Variants in MRGPRF observed in about 807,000 individuals in gnomAD.
MRGPRF encodes mas-related G protein-coupled receptor member F.
In MRGPRF, 2 loss-of-function variants were observed where a neutral mutation model predicts 3.3. That is an observed-to-expected ratio of 0.61 (90% CI 0.25 to 1.92). MRGPRF has a LOEUF of 1.92. MRGPRF is among the 40% of genes most tolerant of loss of function. The pLI is 0.16. For synonymous variants in MRGPRF, 242 were observed against 222.7 expected, an observed-to-expected ratio of 1.09 and a Z score of -0.77; for missense variants, 500 against 476.0, an observed-to-expected ratio of 1.05 and a Z score of -0.47.
intron 1 of MRGPRF, 52 bp downstream of exon 1, chr11:69,013,031 C>G (rs1481714443): frequency 1.3e-5 from 2 of 153,644 alleles, no homozygotes; most frequent in Non-Finnish European, 2.9e-5. Flanking sequence ...CCTCACCCTG[C>G]AGCCCCGGTT....
intron 1 of MRGPRF, among the ~76,000 whole-genome samples, chr11:69,011,292 A>G (rs1860592107): frequency 1.3e-5 from 2 of 152,124 alleles, no homozygotes; most frequent in Admixed American, 1.3e-4. Context: ...GTGTGGCCCC[A>G]GGGGCCGCTC....
rs1860441655 is a variant in MRGPRF, at chr11:69,005,106, C to T, written c.*172G>A. On this transcript the variant is annotated 3_prime_UTR_variant, in exon 3 of 3. Transcript: ENST00000309099. The stretch of plus-strand genomic sequence containing the variant: ...CACAGGGTCTGTTTGCTGGTGGCTG[C>T]CCAGTCTCCCAGCCACCCCTGGAGT... 3 of 796,192 alleles carry T rather than the reference C, an allele frequency of 3.8e-6. No homozygotes were observed. Among genetic ancestry groups the T allele is most frequent in the Non-Finnish European group, 5.6e-6 (3 of 531,332 alleles). 49.3% of individuals were successfully genotyped at this position (796,192 alleles called of 1,614,324 possible).
rs768542465 is a variant in MRGPRF, at chr11:69,006,218, C to T, written c.92G>A (p.Gly31Asp). ...LSEAPELYSR[G>D]FLTIEQIAML... ...CGCGATCTGCTCGATGGTCAGGAAG[C>T]CCCGGCTGTAGAGTTCCGGGGCCTC... Residue 31 changes from glycine (G) to aspartate (D), a missense_variant, in exon 3 of 3, where the codon GGC becomes GAC. By Grantham distance (94) the Gly-to-Asp change is moderately conservative. Coordinates refer to ENST00000309099, the MANE Select transcript of MRGPRF (RefSeq NM_145015.5). The T allele has an allele frequency of 6.2e-7, 1 of 1,613,300 alleles. No homozygotes were observed. The highest frequency in any genetic ancestry group is 1.1e-5 in the South Asian group (1 of 91,076).
rs760855839 is a variant in MRGPRF, at chr11:69,005,454, C to A, written c.856G>T (p.Ala286Ser). ...TDLCICINSS[A>S]KPIVYFLAGR... ...GCCAGGAAGTAGACGATGGGCTTGG[C>A]GCTGCTGTTGATGCAGATGCACAGG... Residue 286 changes from alanine to serine, a missense_variant, in exon 3 of 3, where the codon GCC (alanine) becomes TCC (serine). Transcript: ENST00000309099. The A allele has an allele frequency of 6.3e-6, 10 of 1,588,236 alleles. No individual in the cohort carries two copies. The highest frequency in any genetic ancestry group is 7.7e-6 in the Non-Finnish European group (9 of 1,167,540).
Position 69,005,860 on chromosome 11 carries a change from C to G in MRGPRF, c.450G>C (p.Trp150Cys), listed in dbSNP as rs1237207297. The G allele has an allele frequency of 6.4e-7, 1 of 1,553,436 alleles. No homozygotes were observed. ...GGCGCTTGGGCCGCCGGCGCCAGTA[C>G]CAGGCGGGGAAGATGACCGAGGCGC... ...ERCASVIFPA[W>C]YWRRRPKRLS... Residue 150 changes from tryptophan (W) to cysteine (C), a missense_variant, in exon 3 of 3, where the codon TGG (tryptophan) becomes TGC (cysteine). Transcript: ENST00000309099.
rs750487849 is a variant in MRGPRF at position 69,006,119 on chromosome 11, A to T, written c.191T>A (p.Leu64Gln). The stretch of plus-strand genomic sequence containing the variant: ...GGAGAAGCCGAAAAACCAGAGGACC[A>T]GCCCGTTGCCCACCAGGCCACACAG... ...LCLCGLVGNG[L>Q]VLWFFGFSIK... is the part of the protein sequence containing the mutation. Residue 64 changes from leucine to glutamine, a missense_variant, in exon 3 of 3, where the codon CTG becomes CAG. Coordinates refer to ENST00000309099, the MANE Select transcript of MRGPRF (RefSeq NM_145015.5). 2.5e-6 allele frequency: 4 copies of T among 1,613,880 alleles called. No homozygotes were observed. Among genetic ancestry groups the T allele is most frequent in the Non-Finnish European group, 3.4e-6 (4 of 1,179,968 alleles).
Position 69,005,968 on chromosome 11 carries a change from G to A in MRGPRF, c.342C>T (p.Tyr114=), listed in dbSNP as rs1318347928. 11 of 1,566,372 alleles carry A rather than the reference G, an allele frequency of 7.0e-6. No individual in the cohort carries two copies. Among genetic ancestry groups the A allele is most frequent in the Middle Eastern group, 1.7e-4 (1 of 6,026 alleles). The change falls in exon 3 of 3, where the codon TAC becomes TAT. Residue 114 remains tyrosine, a synonymous_variant. Transcript: ENST00000309099. ...TGGFLGTFAD[Y]IRSVCRVLGL... Reference sequence around the variant, plus strand: ...CCAGGACCCGGCACACGCTGCGGATGTAGTCGGCAAACGTGCCCAGGAAGC... The same window carrying A: ...CCAGGACCCGGCACACGCTGCGGATATAGTCGGCAAACGTGCCCAGGAAGC...
intron 1 of MRGPRF, 62 bp from the exon 2 acceptor site, chr11:69,010,019 C>A: frequency 8.5e-7 from 1 of 1,170,410 alleles, no homozygotes; most frequent in South Asian, 1.5e-5. Context: ...TTCCTGGACC[C>A]CCGTGCCTAG....
At chr11:69,009,786 G>T (rs1366684325) in intron 2 of MRGPRF, 68 bp downstream of exon 2, 1 of 1,544,262 alleles carries the variant, frequency 6.5e-7, no homozygotes, top group Admixed American at 1.7e-5. Context: ...GGAGATGCTG[G>T]GCTGGGTCTG....
At position 69,005,937 on chromosome 11, in the gene MRGPRF, A is replaced by C. The variant is rs762378122; in HGVS notation, c.373T>G (p.Cys125Gly). 1 of 1,573,702 alleles carries C rather than the reference A, an allele frequency of 6.4e-7. No homozygotes were observed. Among genetic ancestry groups the C allele is most frequent in the Admixed American group, 1.9e-5 (1 of 52,778 alleles). ...IRSVCRVLGL[C>G]MFLTGVSLLP... ...AGGCTCACGCCGGTAAGGAACATGCAGAGCCCCAGGACCCGGCACACGCTG... is the reference window on the plus strand; with the variant it reads ...AGGCTCACGCCGGTAAGGAACATGCCGAGCCCCAGGACCCGGCACACGCTG... Residue 125 changes from cysteine (C) to glycine (G), a missense_variant, in exon 3 of 3, where the codon TGC (cysteine) becomes GGC (glycine). Transcript: ENST00000309099.
chr11:69,008,986 G>A (rs1288605928), intron 2 of MRGPRF, among the ~76,000 whole-genome samples: 2 of 152,198 alleles, frequency 1.3e-5, no homozygotes, highest in Non-Finnish European at 2.9e-5. Flanking sequence ...TCTGGAGCCC[G>A]GCCCCACCCT....
intron 1 of MRGPRF, chr11:69,012,381 C>A (rs1860617144): frequency 6.6e-6 from 1 of 152,362 alleles, no homozygotes; most frequent in African/African-American, 2.4e-5. Flanking sequence ...GCCTGTCTCG[C>A]TCCCCCAGAC....
rs1279971594 is a variant in MRGPRF, at chr11:69,009,659, G to A, written c.48+195C>T. ...GTCCTGGTGCTTGCCTCACTGATGAGGACAGGAGGGTAGGAGGGTCCAGGG... is the reference window on the plus strand; with the variant it reads ...GTCCTGGTGCTTGCCTCACTGATGAAGACAGGAGGGTAGGAGGGTCCAGGG... On this transcript the variant is annotated intron_variant, in intron 2 of 2. Transcript: ENST00000309099. 9.9e-6 allele frequency: 7 copies of A among 708,790 alleles called. 1 individual carries two copies. The South Asian group carries it at 1.1e-4, about 11-fold the overall frequency. 43.9% of individuals were successfully genotyped at this position (708,790 alleles called of 1,614,324 possible). A position where few individuals can be genotyped will look rare whatever the true frequency, so the allele number is the denominator to read the frequency against.
In MRGPRF at chr11:69,005,129, A is replaced by G. The variant is rs1348482846; in HGVS notation, c.*149T>C. ...TGCCCAGTCTCCCAGCCACCCCTGG[A>G]GTCCCCAGCCCAGGGAGAAGGAGGC... is the stretch of plus-strand genomic sequence containing the variant. On this transcript the variant is annotated 3_prime_UTR_variant, in exon 3 of 3. Transcript: ENST00000309099. 2.0e-6 allele frequency: 2 copies of G among 1,024,236 alleles called. No individual in the cohort carries two copies. The highest frequency in any genetic ancestry group is 2.7e-5 in the East Asian group (1 of 36,564). 63.4% of individuals were successfully genotyped at this position (1,024,236 alleles called of 1,614,324 possible). A position where few individuals can be genotyped will look rare whatever the true frequency, so the allele number is the denominator to read the frequency against.
At chr11:69,010,589 C>T (rs1301429990) in intron 1 of MRGPRF, among the ~76,000 whole-genome samples, 1 of 152,234 alleles carries the variant, frequency 6.6e-6, no homozygotes, top group Non-Finnish European at 1.5e-5. Context: ...CAGGTATCCT[C>T]ATGCCCCTTT....
At chr11:69,006,538 G>C (rs1463222812) in intron 2 of MRGPRF, among the ~76,000 whole-genome samples, 2 of 152,000 alleles carry the variant, frequency 1.3e-5, no homozygotes, top group African/African-American at 2.4e-5. Flanking sequence ...CAGTGCCCAG[G>C]AAGGGTGCCA....
chr11:69,004,761 C>T lies in MRGPRF; in HGVS notation c.*517G>A, dbSNP rs976065078. ...CGACGGGGGGAAGGGAGGTTGTTTG[C>T]AGAAAGACTTAGCTACAAGGCATGT... On this transcript the variant is annotated 3_prime_UTR_variant, in exon 3 of 3. Coordinates refer to ENST00000309099, the MANE Select transcript of MRGPRF (RefSeq NM_145015.5). 1 of 152,970 alleles carries T rather than the reference C, an allele frequency of 6.5e-6. No individual in the cohort carries two copies. The highest frequency in any genetic ancestry group is 6.5e-5 in the Admixed American group (1 of 15,296). 9.5% of individuals were successfully genotyped at this position (152,970 alleles called of 1,614,324 possible).
intron 2 of MRGPRF, among the ~76,000 whole-genome samples, chr11:69,007,040 T>C (rs1024972316): frequency 1.3e-5 from 2 of 152,096 alleles, no homozygotes; most frequent in African/African-American, 4.8e-5. Context: ...ACTGGGGAAA[T>C]GTGAGTATGG....
intron 1 of MRGPRF, among the ~76,000 whole-genome samples, chr11:69,011,293 G>A (rs1860592179): frequency 6.6e-6 from 1 of 152,186 alleles, no homozygotes. Context: ...TGTGGCCCCA[G>A]GGGCCGCTCC....
Sources: allele counts gnomAD v4.1 joint callset (sites outside exome capture counted in the v4.1 genomes callset), GRCh38; gene constraint gnomAD v4.1.1; transcripts MANE v1.5; gene names NCBI Gene and HGNC (gene_info 2026-07-23, HGNC 2026-07-21).